Variants in MYO5B observed in about 807,000 individuals in gnomAD.
The protein encoded by MYO5B is myosin VB, also known as unconventional myosin-Vb.
A neutral mutation model predicts 229.3 loss-of-function variants in MYO5B; 143 were observed. The ratio of observed to expected loss-of-function variants is 0.62; its 90% CI spans 0.54 to 0.72. MYO5B has a LOEUF of 0.72. Among genes scored for constraint, MYO5B ranks in the 30% least tolerant of loss-of-function variants. MYO5B has a pLI of 0.00. For missense variants in MYO5B, 2,321 were observed against 2,331.0 expected (o/e 1.00, Z 0.09); for synonymous variants, 918 against 885.2 (o/e 1.04, Z -0.66).
chr18:50,031,750 T>C (rs2026392128), intron 4 of MYO5B, among the ~76,000 whole-genome samples: 1 of 152,242 alleles, frequency 6.6e-6, no homozygotes, highest in African/African-American at 2.4e-5. Context: ...TCTTGTATCA[T>C]ATTATTTCCT....
At chr18:49,844,776 A>G (rs2024104080) in intron 33 of MYO5B, among the ~76,000 whole-genome samples, 1 of 152,246 alleles carries the variant, frequency 6.6e-6, no homozygotes, top group Non-Finnish European at 1.5e-5. Flanking sequence ...AACCTGATCC[A>G]TGTGCAGATT....
intron 1 of MYO5B, among the ~76,000 whole-genome samples, chr18:50,116,053 C>T (rs1257112337): frequency 2.6e-5 from 4 of 152,124 alleles, no homozygotes; most frequent in Admixed American, 6.5e-5. Flanking sequence ...AGACACTAAC[C>T]AAAATGGTTT....
At chr18:50,043,382 A>G (rs1276980413) in intron 2 of MYO5B, among the ~76,000 whole-genome samples, 1 of 101,226 alleles carries the variant, frequency 9.9e-6, no homozygotes, top group Non-Finnish European at 1.8e-5. Context: ...TATATAATAT[A>G]TTAAATATAT....
At chr18:50,096,425 C>A (rs2031552203) in intron 1 of MYO5B, among the ~76,000 whole-genome samples, 1 of 152,112 alleles carries the variant, frequency 6.6e-6, no homozygotes, top group South Asian at 2.1e-4. Flanking sequence ...GGTTGTCTTG[C>A]CTTCAGCCTC....
chr18:49,852,703 G>A (rs2024216332), intron 31 of MYO5B, among the ~76,000 whole-genome samples: 1 of 151,970 alleles, frequency 6.6e-6, no homozygotes, highest in Non-Finnish European at 1.5e-5. Flanking sequence ...TGGGTGCCTT[G>A]GTCCATGCTT....
chr18:49,956,475 C>T (rs556012964), intron 12 of MYO5B, among the ~76,000 whole-genome samples: 40 of 152,230 alleles, frequency 2.6e-4, no homozygotes, highest in Non-Finnish European at 4.3e-4. Context: ...TCCTGCCTGA[C>T]GACAGAGTTT....
rs1165601347 is a variant in MYO5B at position 50,055,331 on chromosome 18, A to G, written c.75T>C (p.Ala25=). 6.2e-7 allele frequency: 1 copy of G among 1,609,720 alleles called. No individual in the cohort carries two copies. The highest frequency in any genetic ancestry group is 1.7e-5 in the Admixed American group (1 of 58,726). Residue 25 remains alanine (A), a synonymous_variant, in exon 2 of 40, where the codon GCT becomes GCC. Transcript: ENST00000285039. ...IPDPDEVWRS[A]ELTKDYKEGD... ...CTTCTTTGTAGTCCTTGGTTAACTC[A>G]GCTGAGCGCCATACCTCATCAGGGT...
intron 22 of MYO5B, among the ~76,000 whole-genome samples, chr18:49,884,708 A>AG (rs2024624415): frequency 6.6e-6 from 1 of 152,152 alleles, no homozygotes; most frequent in African/African-American, 2.4e-5. Context: ...TTCCTGGACC[A>AG]CTACTGGTCC....
chr18:50,102,615 T>A (rs969684163), intron 1 of MYO5B, among the ~76,000 whole-genome samples: 1 of 152,126 alleles, frequency 6.6e-6, no homozygotes, highest in Non-Finnish European at 1.5e-5. Context: ...AACCCAGTCC[T>A]GCACAGCCCA....
rs772909385 is a variant in MYO5B at position 49,837,557 on chromosome 18, G to T, written c.5098C>A (p.Arg1700=). 9 of 1,611,380 alleles carry T rather than the reference G, an allele frequency of 5.6e-6. No homozygotes were observed. Among genetic ancestry groups the T allele is most frequent in the Non-Finnish European group, 5.9e-6 (7 of 1,178,210 alleles). ...NAVTLNNLLL[R]KDVCSWSTGM... is the part of the protein sequence containing the mutation. ...GTGCTCCAAGAGCAGACGTCCTTCC[G>T]CAAGAGCAGGTTGTTAAGAGTCACT... The change falls in exon 37 of 40, where the codon CGG becomes AGG. Residue 1700 remains arginine (R), a synonymous_variant. Transcript: ENST00000285039.
At chr18:50,085,125 G>A (rs141953413) in intron 1 of MYO5B, among the ~76,000 whole-genome samples, 7,525 of 152,172 alleles carry the variant, frequency 0.049, 399 homozygotes, top group African/African-American at 0.13. Context: ...GAGTGAACAG[G>A]CAACCTACAG....
intron 27 of MYO5B, among the ~76,000 whole-genome samples, chr18:49,867,977 G>A (rs616343): frequency 0.74 from 111,861 of 151,890 alleles, 41,350 homozygotes; most frequent in Admixed American, 0.84. Flanking sequence ...AAACATGAGA[G>A]TATATTCATC....
intron 25 of MYO5B, 29 bp downstream of exon 25, chr18:49,877,734 G>A (rs2024542715): frequency 6.2e-7 from 1 of 1,613,318 alleles, no homozygotes; most frequent in East Asian, 2.2e-5. Flanking sequence ...TCTGGAGGAG[G>A]ACAGTACCCA....
At chr18:50,068,340 T>C (rs1015159033) in intron 1 of MYO5B, among the ~76,000 whole-genome samples, 1 of 152,248 alleles carries the variant, frequency 6.6e-6, no homozygotes, top group African/African-American at 2.4e-5. Context: ...TCATACTGTA[T>C]TCTTTCCACC....
rs113268907 is a variant in MYO5B at position 50,071,836 on chromosome 18, T to C, written c.28-16458A>G. On this transcript the variant is annotated intron_variant, in intron 1 of 39. Coordinates refer to ENST00000285039, the MANE Select transcript of MYO5B (RefSeq NM_001080467.3). The stretch of plus-strand genomic sequence containing the variant: ...AAATGGAAGAATGCCAAGAGCAGGA[T>C]CCTTAGCACAGGCTTAAGAGCTATA... 9.8e-3 allele frequency among the ~76,000 whole-genome samples: 1,487 copies of C among 152,368 alleles called. 29 individuals are homozygous for C. Among genetic ancestry groups the C allele is most frequent in the African/African-American group, 0.034 (1,405 of 41,566 alleles).
chr18:50,192,012 G>C (rs2033234581), intron 1 of MYO5B, among the ~76,000 whole-genome samples: 1 of 151,696 alleles, frequency 6.6e-6, no homozygotes, highest in Admixed American at 6.6e-5. Context: ...TTCATTTGAA[G>C]AAGGGACGAA....
chr18:50,182,157 G>T (rs1443251415), intron 1 of MYO5B, among the ~76,000 whole-genome samples: 1 of 152,112 alleles, frequency 6.6e-6, no homozygotes, highest in African/African-American at 2.4e-5. Context: ...TACGAAAGAT[G>T]GTCTGAACCT....
chr18:49,832,787 A>G (rs1310544225), intron 39 of MYO5B, among the ~76,000 whole-genome samples: 4 of 152,228 alleles, frequency 2.6e-5, no homozygotes, highest in Non-Finnish European at 4.4e-5. Context: ...AAATAATGGG[A>G]GAGAAGTTTA....
chr18:50,045,631 C>T (rs184740753), intron 2 of MYO5B, among the ~76,000 whole-genome samples: 106 of 152,296 alleles, frequency 7.0e-4, no homozygotes, highest in African/African-American at 2.5e-3. Context: ...CCAGGTGATC[C>T]ACCTACCTCA....
Sources: gnomAD v4.1 joint callset for allele counts (sites outside exome capture counted in the v4.1 genomes callset) on GRCh38, gnomAD v4.1.1 for gene constraint, MANE v1.5 for transcripts, NCBI Gene and HGNC (gene_info 2026-07-23, HGNC 2026-07-21) for gene names.